Variants in PAFAH1B1 observed in about 807,000 individuals in gnomAD.
PAFAH1B1 encodes the protein platelet activating factor acetylhydrolase 1b regulatory subunit 1.
A neutral mutation model predicts 57.5 loss-of-function variants in PAFAH1B1; 2 were observed. That is an observed-to-expected ratio of 0.03 (90% CI 0.01 to 0.11). The LOEUF (loss-of-function observed/expected upper bound fraction) is 0.11. Ranked by LOEUF, PAFAH1B1 falls within the 10% of genes least tolerant of loss-of-function variation. The pLI is 1.00. For synonymous variants in PAFAH1B1, 152 were observed against 169.6 expected (o/e 0.90, Z 0.81); for missense variants, 257 against 512.0 (o/e 0.50, Z 4.81).
chr17:2,656,445 A>G (rs1486917655), intron 2 of PAFAH1B1, among the ~76,000 whole-genome samples: 4 of 150,226 alleles, frequency 2.7e-5, no homozygotes, highest in Non-Finnish European at 4.4e-5. Context: ...GCAAGACCTC[A>G]TCTTTTTTTT....
intron 5 of PAFAH1B1, among the ~76,000 whole-genome samples, chr17:2,668,651 C>T (rs536560792): frequency 6.6e-6 from 1 of 152,044 alleles, no homozygotes; most frequent in South Asian, 2.1e-4. Context: ...TGTACTCCAG[C>T]CTGGGCGAAG....
chr17:2,662,528 C>T (rs1023525369), intron 2 of PAFAH1B1, among the ~76,000 whole-genome samples: 1 of 151,546 alleles, frequency 6.6e-6, no homozygotes, highest in Non-Finnish European at 1.5e-5. Context: ...CTCAGCCTCC[C>T]AAGTAGCTGG....
intron 1 of PAFAH1B1, among the ~76,000 whole-genome samples, chr17:2,602,479 CAATT>C (rs1208123058): frequency 6.6e-6 from 1 of 152,192 alleles, no homozygotes; most frequent in African/African-American, 2.4e-5. Context: ...TATATCCAAT[CAATT>C]ACCTTGTCTT....
intron 2 of PAFAH1B1, among the ~76,000 whole-genome samples, chr17:2,652,206 C>T (rs12051672): frequency 3.8e-4 from 57 of 151,646 alleles, no homozygotes; most frequent in East Asian, 1.4e-3. Flanking sequence ...GTCAGGAGAT[C>T]GAGACCATCC....
Position 2,593,851 on chromosome 17 carries a change from CCCCTCCCCCTCCCCGGGCCCGGG to C in PAFAH1B1, c.-342_-320del. Reference sequence around the variant, plus strand: ...GGCTGAGGAGCCCGCCCGCTCCCCTCCCCTCCCCCTCCCCGGGCCCGGGCCCAGCGCGCCATCCTCCCCCCTCC... The same window carrying C: ...GGCTGAGGAGCCCGCCCGCTCCCCTCCCCAGCGCGCCATCCTCCCCCCTCC... On this transcript the variant is annotated 5_prime_UTR_variant, in exon 1 of 11. Coordinates refer to ENST00000397195, the MANE Select transcript of PAFAH1B1 (RefSeq NM_000430.4). 3.9e-6 allele frequency: 1 copy of C among 258,374 alleles called. No homozygotes were observed. 16.0% of individuals were successfully genotyped at this position (258,374 alleles called of 1,614,324 possible).
intron 1 of PAFAH1B1, among the ~76,000 whole-genome samples, chr17:2,624,434 A>G (rs763823166): frequency 1.3e-5 from 2 of 152,176 alleles, no homozygotes; most frequent in Non-Finnish European, 2.9e-5. Flanking sequence ...ACTGGGAACA[A>G]GAAAAGGTTT....
chr17:2,617,637 G>A (rs748124711), intron 1 of PAFAH1B1, among the ~76,000 whole-genome samples: 5 of 152,170 alleles, frequency 3.3e-5, no homozygotes, highest in Non-Finnish European at 7.4e-5. Context: ...AGTGTTTGAG[G>A]CCAGGCATGG....
At chr17:2,648,207 A>G (rs1597550703) in intron 2 of PAFAH1B1, among the ~76,000 whole-genome samples, 2 of 152,102 alleles carry the variant, frequency 1.3e-5, no homozygotes, top group African/African-American at 2.4e-5. Flanking sequence ...AGAGCTTACT[A>G]TCATGAGAAC....
chr17:2,616,739 C>T (rs1204579419), intron 1 of PAFAH1B1, among the ~76,000 whole-genome samples: 3 of 152,132 alleles, frequency 2.0e-5, no homozygotes, highest in Admixed American at 6.6e-5. Flanking sequence ...TAGAAACCAT[C>T]TCATAATGTA....
At chr17:2,604,265 T>A (rs1351220713) in intron 1 of PAFAH1B1, among the ~76,000 whole-genome samples, 2 of 149,214 alleles carry the variant, frequency 1.3e-5, no homozygotes, top group East Asian at 4.1e-4. Flanking sequence ...CTCCAACCCC[T>A]CACCTCAAGT....
At chr17:2,618,586 A>G (rs2068377485) in intron 1 of PAFAH1B1, among the ~76,000 whole-genome samples, 1 of 152,068 alleles carries the variant, frequency 6.6e-6, no homozygotes, top group South Asian at 2.1e-4. Context: ...TACTTTTTTA[A>G]AAGAAATTAT....
At chr17:2,672,788 G>A (rs376723820) in intron 7 of PAFAH1B1, 31 bp downstream of exon 7, 77 of 1,399,068 alleles carry the variant, frequency 5.5e-5, no homozygotes, top group African/African-American at 4.7e-4. Flanking sequence ...AGGCATCAGC[G>A]GCCAGGTGCA....
intron 5 of PAFAH1B1, 133 bp downstream of exon 5, chr17:2,667,331 C>T (rs1311203379): frequency 1.5e-6 from 1 of 649,074 alleles, no homozygotes; most frequent in Non-Finnish European, 2.7e-6. Context: ...CACACTCTGT[C>T]TCAAAAAAAA....
intron 1 of PAFAH1B1, among the ~76,000 whole-genome samples, chr17:2,626,651 T>G (rs1426072618): frequency 7.0e-6 from 1 of 142,192 alleles, no homozygotes; most frequent in Non-Finnish European, 1.5e-5. Context: ...GACTCCCTGG[T>G]TCAAGCAATT....
At chr17:2,648,113 G>A (rs554342329) in intron 2 of PAFAH1B1, among the ~76,000 whole-genome samples, 6 of 152,306 alleles carry the variant, frequency 3.9e-5, no homozygotes, top group African/African-American at 1.2e-4. Context: ...GGAAGCACAC[G>A]TCGTCCTTCA....
chr17:2,593,814 G>C lies in PAFAH1B1; in HGVS notation c.-383G>C, dbSNP rs1489133052. 5.1e-5 allele frequency: 20 copies of C among 395,028 alleles called. No homozygotes were observed. The Admixed American group carries it at 8.9e-4, about 17-fold the overall frequency. The allele number at this position is 395,028 out of a possible 1,614,324, so 24.5% of individuals were successfully genotyped here. On this transcript the variant is annotated 5_prime_UTR_variant, in exon 1 of 11. Coordinates refer to ENST00000397195, the MANE Select transcript of PAFAH1B1 (RefSeq NM_000430.4). ...AACCGCGAGCGCCGAGCTTGGACTC[G>C]AGCCCCGGAACGGCTGAGGAGCCCG...
At chr17:2,667,376 A>T (rs1212327519) in intron 5 of PAFAH1B1, 178 bp downstream of exon 5, 12 of 576,618 alleles carry the variant, frequency 2.1e-5, no homozygotes, top group Non-Finnish European at 3.4e-5. Context: ...AAATTAAAAG[A>T]TCCTGAAAAT....
intron 2 of PAFAH1B1, among the ~76,000 whole-genome samples, chr17:2,652,228 G>A (rs567535330): frequency 2.0e-5 from 3 of 151,814 alleles, no homozygotes; most frequent in South Asian, 2.1e-4. Flanking sequence ...GGCTAACACG[G>A]TGAAACCCCG....
chr17:2,653,689 G>A (rs564335226), intron 2 of PAFAH1B1, among the ~76,000 whole-genome samples: 2 of 152,256 alleles, frequency 1.3e-5, no homozygotes, highest in East Asian at 1.9e-4. Context: ...AATTTGGATA[G>A]TAAGGTTGAA....
Sources: gnomAD v4.1 joint callset for allele counts (sites outside exome capture counted in the v4.1 genomes callset) on GRCh38, gnomAD v4.1.1 for gene constraint, MANE v1.5 for transcripts, NCBI Gene and HGNC (gene_info 2026-07-23, HGNC 2026-07-21) for gene names.